WRAP73: variants seen among roughly 807,000 people sequenced by gnomAD.
The protein encoded by WRAP73 is WD repeat-containing protein WRAP73.
WRAP73 carries 55 observed loss-of-function variants against 59.6 expected under a neutral mutation model. The observed-to-expected ratio is 0.92, with a 90% confidence interval of 0.74 to 1.15. WRAP73 has a LOEUF of 1.15. Ranked by LOEUF, WRAP73 falls within the 50% of genes most tolerant of loss-of-function variation. The probability of loss-of-function intolerance (pLI) is 0.00; values close to 1 mark genes in which losing one functional copy is unlikely to be tolerated. For missense variants in WRAP73, 592 were observed against 608.1 expected (o/e 0.97, Z 0.28); for synonymous variants, 265 against 258.2 (o/e 1.03, Z -0.25).
At position 3,633,436 on chromosome 1, in the gene WRAP73, C is replaced by CG. The variant is rs1162399118; in HGVS notation, c.883dup (p.Arg295ProfsTer13). On this transcript the variant is annotated frameshift_variant, in exon 9 of 12. Transcript: ENST00000270708. LOFTEE classifies it high-confidence loss of function. ...GCTCGGGAGAGGGCCGGCCCCGGCC[C>CG]GGGGCGGCGGGAAGGAGAGGCAGCC... The CG allele has an allele frequency of 1.2e-6, 2 of 1,611,814 alleles. No individual in the cohort carries two copies. The highest frequency in any genetic ancestry group is 1.7e-6 in the Non-Finnish European group (2 of 1,179,340).
chr1:3,647,878 G>A (rs1644706259), intron 1 of WRAP73, among the ~76,000 whole-genome samples: 1 of 152,174 alleles, frequency 6.6e-6, no homozygotes, highest in African/African-American at 2.4e-5. Context: ...ACTTAAATGG[G>A]AAGTAGCATT....
intron 3 of WRAP73, among the ~76,000 whole-genome samples, chr1:3,643,331 G>A (rs1490878657): frequency 1.3e-5 from 2 of 152,250 alleles, no homozygotes; most frequent in African/African-American, 2.4e-5. Flanking sequence ...AAGACGTGGG[G>A]CAAAGGTGCC....
At chr1:3,632,011 T>C in intron 10 of WRAP73, 1 of 1,453,628 alleles carries the variant, frequency 6.9e-7, no homozygotes, top group Admixed American at 2.7e-5. Context: ...GCCTCCTGAC[T>C]CATGCGCGGA....
chr1:3,631,964 T>C (rs1220270652), intron 10 of WRAP73: 1 of 1,405,406 alleles, frequency 7.1e-7, no homozygotes, highest in South Asian at 1.6e-5. Flanking sequence ...AGCCCTGCTT[T>C]CTACTCAGCA....
At chr1:3,636,680 G>A (rs1034983936) in intron 5 of WRAP73, 2 of 412,104 alleles carry the variant, frequency 4.9e-6, no homozygotes, top group Non-Finnish European at 9.3e-6. Flanking sequence ...CAGTCAAGGT[G>A]AACTTCCACG....
In WRAP73 at chr1:3,631,599, C is replaced by T; in HGVS notation, c.1107G>A (p.Val369=). ...WDIQKLRLFA[V]LEQLSPVRAF... ...CGCGCACTGGGGACAGCTGCTCGAG[C>T]ACCGCGAACAGCCTCAGCTTCTGAA... Residue 369 remains valine (V), a synonymous_variant, in exon 11 of 12, where the codon GTG becomes GTA. Coordinates refer to ENST00000270708, the MANE Select transcript of WRAP73 (RefSeq NM_017818.4). 6.2e-7 allele frequency: 1 copy of T among 1,606,604 alleles called. No individual in the cohort carries two copies. The highest frequency in any genetic ancestry group is 8.5e-7 in the Non-Finnish European group (1 of 1,179,812).
rs377416033 is a variant in WRAP73 at position 3,638,206 on chromosome 1, G to A, written c.412+544C>T. Reference sequence around the variant, plus strand: ...GTGGCACCTCCCACTAGCTCTGCGCGGTCCAGTTAGACGCGCTGGCAGTGG... The same window carrying A: ...GTGGCACCTCCCACTAGCTCTGCGCAGTCCAGTTAGACGCGCTGGCAGTGG... On this transcript the variant is annotated intron_variant, in intron 4 of 11. Coordinates refer to ENST00000270708, the MANE Select transcript of WRAP73 (RefSeq NM_017818.4). Among the ~76,000 whole-genome samples the A allele has an allele frequency of 7.7e-4, 117 of 152,364 alleles. 3 individuals carry two copies. Among genetic ancestry groups the A allele is most frequent in the Non-Finnish European group, 2.8e-4 (19 of 68,038 alleles).
chr1:3,632,047 CCA>C, intron 10 of WRAP73, 164 bp downstream of exon 10: 1 of 1,492,784 alleles, frequency 6.7e-7, no homozygotes, highest in East Asian at 2.3e-5. Context: ...GGACAAAGGC[CCA>C]GCGCCTCCAA....
rs1644575340 is a variant in WRAP73 at position 3,634,979 on chromosome 1, C to T, written c.816+18G>A. 1.2e-6 allele frequency: 2 copies of T among 1,613,918 alleles called. 1 individual carries two copies. Among genetic ancestry groups the T allele is most frequent in the Admixed American group, 3.3e-5 (2 of 60,014 alleles). On this transcript the variant is annotated intron_variant, in intron 8 of 11. Coordinates refer to ENST00000270708, the MANE Select transcript of WRAP73 (RefSeq NM_017818.4). ...CCCCAACAGCCTGCTCAGGCAGAAA[C>T]ACGTGTTCCAGACTTACTATCTTGG...
At chr1:3,631,177 G>A (rs989529686) in intron 11 of WRAP73, 60 bp from the exon 12 acceptor site, 1 of 1,605,928 alleles carries the variant, frequency 6.2e-7, no homozygotes, top group Non-Finnish European at 8.5e-7. Context: ...CTGGGGGATG[G>A]GCACCCCCTT....
intron 6 of WRAP73, 139 bp downstream of exon 6, chr1:3,635,805 A>G: frequency 2.7e-6 from 2 of 747,404 alleles, no homozygotes; most frequent in Non-Finnish European, 4.4e-6. Flanking sequence ...TGGGTGACAG[A>G]GCAAGACCCT....
At chr1:3,638,412 C>A (rs1644608390) in intron 4 of WRAP73, among the ~76,000 whole-genome samples, 1 of 152,248 alleles carries the variant, frequency 6.6e-6, no homozygotes, top group South Asian at 2.1e-4. Context: ...AGGTGGGCCT[C>A]TCAACAGGCA....
chr1:3,643,182 G>C (rs965274201), intron 3 of WRAP73, among the ~76,000 whole-genome samples: 5 of 152,370 alleles, frequency 3.3e-5, no homozygotes, highest in Admixed American at 1.3e-4. Flanking sequence ...GAGTCTAAAA[G>C]CAGTGACGGG....
chr1:3,650,054 G>A lies in WRAP73; in HGVS notation c.-55C>T, dbSNP rs1252551033. On this transcript the variant is annotated 5_prime_UTR_variant, in exon 1 of 12. Coordinates refer to ENST00000270708, the MANE Select transcript of WRAP73 (RefSeq NM_017818.4). ...CGCCCGAAAACCCGCGGGACCCCTG[G>A]GCGCGCAGCAGGCTGCAACAGCCGA... The A allele has an allele frequency of 8.0e-6, 12 of 1,496,530 alleles. No individual in the cohort carries two copies. The highest frequency in any genetic ancestry group is 2.9e-5 in the African/African-American group (2 of 68,828). 92.7% of individuals were successfully genotyped at this position (1,496,530 alleles called of 1,614,324 possible). A position where few individuals can be genotyped will look rare whatever the true frequency, so the allele number is the denominator to read the frequency against.
In WRAP73 at chr1:3,630,967, C is replaced by T; in HGVS notation, c.*8G>A. 6.2e-7 allele frequency: 1 copy of T among 1,611,940 alleles called. No individual in the cohort carries two copies. The highest frequency in any genetic ancestry group is 8.5e-7 in the Non-Finnish European group (1 of 1,179,394). ...AGCCCTGTTTCTGCACACGTTAGTG[C>T]ACCGCTGCTACGTGTGGCCGCCCAG... On this transcript the variant is annotated 3_prime_UTR_variant, in exon 12 of 12. Transcript: ENST00000270708.
At chr1:3,648,313 G>T (rs889324694) in intron 1 of WRAP73, among the ~76,000 whole-genome samples, 7 of 152,156 alleles carry the variant, frequency 4.6e-5, no homozygotes, top group Middle Eastern at 3.2e-3. Flanking sequence ...TCAAGATCAA[G>T]AACTGATGTT....
At position 3,647,241 on chromosome 1, in the gene WRAP73, CT is replaced by C. The variant is rs1451191068; in HGVS notation, c.222+166del. On this transcript the variant is annotated intron_variant, in intron 2 of 11. Coordinates refer to ENST00000270708, the MANE Select transcript of WRAP73 (RefSeq NM_017818.4). ...GAAATTAAGACTACGTTGGAGTTTC[CT>C]TAGTTTAAATGTTCTTAAACTTTAG... 1.3e-5 allele frequency: 10 copies of C among 745,118 alleles called. No individual in the cohort carries two copies. In the Admixed American group the frequency reaches 3.6e-4, roughly 27 times the overall value. 46.2% of individuals were successfully genotyped at this position (745,118 alleles called of 1,614,324 possible).
chr1:3,635,384 C>T (rs1644580467), intron 6 of WRAP73, 90 bp from the exon 7 acceptor site: 1 of 1,551,772 alleles, frequency 6.4e-7, no homozygotes, highest in East Asian at 2.3e-5. Context: ...GACATTGGTG[C>T]AGATAGCACA....
At chr1:3,644,601 G>GC (rs567014798) in intron 3 of WRAP73, among the ~76,000 whole-genome samples, 116 of 152,332 alleles carry the variant, frequency 7.6e-4, no homozygotes, top group Middle Eastern at 3.4e-3. Context: ...TGGTCAAGAT[G>GC]CCCCATGCCT....
Sources: allele counts gnomAD v4.1 joint callset (sites outside exome capture counted in the v4.1 genomes callset), GRCh38; gene constraint gnomAD v4.1.1; transcripts MANE v1.5; gene names NCBI Gene and HGNC (gene_info 2026-07-23, HGNC 2026-07-21).